Variants in NAALADL2 observed in about 807,000 individuals in gnomAD.
NAALADL2 encodes the protein inactive N-acetylated-alpha-linked acidic dipeptidase-like protein 2.
Under a neutral mutation model 87.2 loss-of-function variants are expected in NAALADL2, and 76 were observed. That is an observed-to-expected ratio of 0.87 (90% CI 0.72 to 1.05). The LOEUF is 1.05. Ranked by LOEUF, NAALADL2 falls within the 50% of genes least tolerant of loss-of-function variation. NAALADL2 has a pLI of 0.00. For synonymous variants in NAALADL2, 354 were observed against 331.0 expected (o/e 1.07, Z -0.75); for missense variants, 1,089 against 945.8 (o/e 1.15, Z -1.99).
At chr3:175,525,616 A>C (rs567308907) in intron 9 of NAALADL2, among the ~76,000 whole-genome samples, 31 of 152,106 alleles carry the variant, frequency 2.0e-4, no homozygotes, top group Non-Finnish European at 2.5e-4. Context: ...TGAGGAAAAC[A>C]GAATTAGTCA....
intron 3 of NAALADL2, among the ~76,000 whole-genome samples, chr3:174,797,727 A>T (rs971600250): frequency 6.6e-6 from 1 of 152,022 alleles, no homozygotes; most frequent in African/African-American, 2.4e-5. Flanking sequence ...TTGAGCTTCC[A>T]GCCTCCAGAA....
At chr3:174,900,362 TAAATA>T (rs1732163943) in intron 1 of NAALADL2, among the ~76,000 whole-genome samples, 2 of 152,020 alleles carry the variant, frequency 1.3e-5, no homozygotes, top group African/African-American at 2.4e-5. Context: ...AATAAAATCT[TAAATA>T]AAAATAAAAC....
At chr3:175,263,807 C>G (rs1252414768) in intron 4 of NAALADL2, among the ~76,000 whole-genome samples, 1 of 151,448 alleles carries the variant, frequency 6.6e-6, no homozygotes, top group Non-Finnish European at 1.5e-5. Flanking sequence ...TACAGTTCGC[C>G]CCCTAAAAGT....
chr3:175,653,469 C>T (rs1582784202), intron 11 of NAALADL2, among the ~76,000 whole-genome samples: 1 of 152,138 alleles, frequency 6.6e-6, no homozygotes, highest in African/African-American at 2.4e-5. Context: ...GGTTTGGAAG[C>T]GCTGATTTCC....
chr3:175,517,068 G>C (rs576698064), intron 9 of NAALADL2, among the ~76,000 whole-genome samples: 8 of 152,258 alleles, frequency 5.3e-5, no homozygotes, highest in African/African-American at 1.9e-4. Flanking sequence ...TGTTTATGTA[G>C]TAGTATTTTT....
At position 174,527,235 on chromosome 3, in the gene NAALADL2, T is replaced by C. The variant is rs190238505; in HGVS notation, c.-183-23334T>C. On this transcript the variant is annotated intron_variant, in intron 1 of 3. Transcript: ENST00000434257. ...CATATATCAGTGATAGAAAAGAAGGTCTTGGCTGGGCGCAGTGGGTCAGGC... is the reference window on the plus strand; with the variant it reads ...CATATATCAGTGATAGAAAAGAAGGCCTTGGCTGGGCGCAGTGGGTCAGGC... Among the ~76,000 whole-genome samples, 54 of 152,142 alleles carry C rather than the reference T, an allele frequency of 3.5e-4. No individual in the cohort carries two copies. In the East Asian group the frequency reaches 9.5e-3, roughly 27 times the overall value.
At chr3:174,564,958 T>C (rs1195146121) in intron 2 of NAALADL2, among the ~76,000 whole-genome samples, 1 of 152,076 alleles carries the variant, frequency 6.6e-6, no homozygotes, top group African/African-American at 2.4e-5. Context: ...ACAGTTTTTT[T>C]AGAAAATTGA....
At chr3:175,325,556 C>T (rs539172357) in intron 5 of NAALADL2, among the ~76,000 whole-genome samples, 116 of 152,298 alleles carry the variant, frequency 7.6e-4, no homozygotes, top group African/African-American at 2.6e-3. Flanking sequence ...CAGGAAGCTG[C>T]GTTTGGCAGT....
intron 9 of NAALADL2, among the ~76,000 whole-genome samples, chr3:175,556,262 A>C (rs1715246880): frequency 6.6e-6 from 1 of 152,188 alleles, no homozygotes; most frequent in Non-Finnish European, 1.5e-5. Context: ...CGATTTAAAA[A>C]AAAAACTGAA....
At chr3:175,153,942 A>G (rs193064330) in intron 2 of NAALADL2, among the ~76,000 whole-genome samples, 2 of 152,296 alleles carry the variant, frequency 1.3e-5, no homozygotes, top group Admixed American at 1.3e-4. Context: ...TTTTAAAACC[A>G]GTTGTGAAAC....
At chr3:174,955,948 T>C (rs148873019) in intron 1 of NAALADL2, among the ~76,000 whole-genome samples, 1 of 152,210 alleles carries the variant, frequency 6.6e-6, no homozygotes, top group Non-Finnish European at 1.5e-5. Context: ...TTCCGGGTGT[T>C]GGTGCCAATC....
At chr3:175,486,809 A>G (rs1727347879) in intron 9 of NAALADL2, among the ~76,000 whole-genome samples, 1 of 151,162 alleles carries the variant, frequency 6.6e-6, no homozygotes. Flanking sequence ...GACCTTGGAG[A>G]CCTCTTTCAC....
At chr3:175,301,751 A>G (rs1757112694) in intron 4 of NAALADL2, among the ~76,000 whole-genome samples, 2 of 152,234 alleles carry the variant, frequency 1.3e-5, no homozygotes, top group Non-Finnish European at 2.9e-5. Context: ...GAAGAATGGA[A>G]TATATCTCTA....
At chr3:175,065,356 A>G (rs143384458) in intron 1 of NAALADL2, among the ~76,000 whole-genome samples, 119 of 152,326 alleles carry the variant, frequency 7.8e-4, no homozygotes, top group African/African-American at 2.6e-3. Context: ...ATCTTGCTCT[A>G]AAACTGTTAA....
At chr3:174,637,087 C>T (rs1722723128) in intron 2 of NAALADL2, among the ~76,000 whole-genome samples, 1 of 152,022 alleles carries the variant, frequency 6.6e-6, no homozygotes, top group African/African-American at 2.4e-5. Context: ...ATAAGTATCA[C>T]ATGTTCTCAT....
At chr3:175,242,751 C>G (rs1029287466) in intron 3 of NAALADL2, among the ~76,000 whole-genome samples, 1 of 152,124 alleles carries the variant, frequency 6.6e-6, no homozygotes, top group African/African-American at 2.4e-5. Flanking sequence ...ATACATTAAT[C>G]GCAGGGGACA....
intron 1 of NAALADL2, among the ~76,000 whole-genome samples, chr3:174,951,207 T>C (rs1484165863): frequency 6.6e-6 from 1 of 152,008 alleles, no homozygotes; most frequent in Admixed American, 6.6e-5. Flanking sequence ...TCATGAGTCA[T>C]GTTAAGTTGG....
intron 10 of NAALADL2, among the ~76,000 whole-genome samples, chr3:175,614,867 A>G (rs1725129008): frequency 6.6e-6 from 1 of 152,204 alleles, no homozygotes. Context: ...TAAAAGATTT[A>G]ATAAGTACTT....
At chr3:175,623,922 G>T (rs1237215457) in intron 10 of NAALADL2, among the ~76,000 whole-genome samples, 3 of 148,282 alleles carry the variant, frequency 2.0e-5, no homozygotes, top group African/African-American at 7.4e-5. Context: ...CTAGGTTTCA[G>T]ATAACTCTCT....
Sources: gnomAD v4.1 joint callset for allele counts (sites outside exome capture counted in the v4.1 genomes callset) on GRCh38, gnomAD v4.1.1 for gene constraint, MANE v1.5 for transcripts, NCBI Gene and HGNC (gene_info 2026-07-23, HGNC 2026-07-21) for gene names.